Variants in MIER2 observed in about 807,000 individuals in gnomAD.
The protein encoded by MIER2 is MIER family member 2.
In MIER2, 30 loss-of-function variants were observed where a neutral mutation model predicts 67.6. The observed-to-expected ratio is 0.44, with a 90% confidence interval of 0.33 to 0.60. The LOEUF (loss-of-function observed/expected upper bound fraction) is 0.60. Ranked by LOEUF, MIER2 falls within the 20% of genes least tolerant of loss-of-function variation. MIER2 has a pLI of 0.02. For missense variants in MIER2, 702 were observed against 745.1 expected (o/e 0.94, Z 0.67); for synonymous variants, 372 against 312.6 (o/e 1.19, Z -2.00).
In MIER2 at chr19:344,795, G is replaced by T; in HGVS notation, c.-13C>A. 8.3e-7 allele frequency: 1 copy of T among 1,198,386 alleles called. No individual in the cohort carries two copies. Among genetic ancestry groups the T allele is most frequent in the Admixed American group, 4.4e-5 (1 of 22,512 alleles). 74.2% of individuals were successfully genotyped at this position (1,198,386 alleles called of 1,614,324 possible). ...TCACCTCCGCCATGGCCGTGTGTGC[G>T]CGGGAGGCGGTGGCCGCGCCGGGAT... On this transcript the variant is annotated 5_prime_UTR_variant, in exon 1 of 14. Transcript: ENST00000264819.
At chr19:332,004 G>A (rs768522933) in intron 3 of MIER2, among the ~76,000 whole-genome samples, 33 of 152,010 alleles carry the variant, frequency 2.2e-4, no homozygotes, top group Admixed American at 3.9e-4. Context: ...GACAGAAGCT[G>A]GATTTTCATA....
At chr19:325,411 T>G (rs1971694377) in intron 7 of MIER2, among the ~76,000 whole-genome samples, 1 of 152,056 alleles carries the variant, frequency 6.6e-6, no homozygotes, top group Non-Finnish European at 1.5e-5. Flanking sequence ...CTGCACAGGC[T>G]GACCAGAGCA....
chr19:329,664 G>A (rs561253153), intron 3 of MIER2, among the ~76,000 whole-genome samples: 40 of 152,156 alleles, frequency 2.6e-4, no homozygotes, highest in Admixed American at 9.2e-4. Context: ...TGAGGCAGGC[G>A]GATCACGAGA....
In MIER2 at chr19:307,493, G is replaced by A. The variant is rs200937597; in HGVS notation, c.1242C>T (p.Pro414=). The A allele has an allele frequency of 3.6e-5, 55 of 1,526,768 alleles. No homozygotes were observed. The Admixed American group carries it at 4.1e-4, about 11-fold the overall frequency. The allele number at this position is 1,526,768 out of a possible 1,614,324, so 94.6% of individuals were successfully genotyped here. A position where few individuals can be genotyped will look rare whatever the true frequency, so the allele number is the denominator to read the frequency against. Residue 414 remains proline (P), a synonymous_variant, in exon 13 of 14, where the codon CCC becomes CCT. Coordinates refer to ENST00000264819, the MANE Select transcript of MIER2 (RefSeq NM_017550.3). ...ACGGGAGTCCATCAGAGGCCACTCC[G>A]GGCTCATCGAGACCACCGGCCGTGC... The part of the protein sequence containing the change: ...VDGTAGGLDE[P]GVASDGLPSS...
intron 7 of MIER2, among the ~76,000 whole-genome samples, chr19:317,714 G>C (rs1056876356): frequency 7.3e-6 from 1 of 137,688 alleles, no homozygotes; most frequent in African/African-American, 2.7e-5. Context: ...TGGGCAATGA[G>C]AGTGAGACTC....
chr19:307,238 TG>T lies in MIER2; in HGVS notation c.1496del (p.Pro499GlnfsTer19). ...CGGTGACCGACAAAGCCACCTGTGC[TG>T]GGGCCACAGTCTCCTCCGGATCCCC... ...LSGDPEETVA[P>X]AQVALSVTEF... On this transcript the variant is annotated frameshift_variant, in exon 13 of 14. Coordinates refer to ENST00000264819, the MANE Select transcript of MIER2 (RefSeq NM_017550.3). LOFTEE classifies it high-confidence loss of function. 2 of 1,593,880 alleles carry T rather than the reference TG, an allele frequency of 1.3e-6. No individual in the cohort carries two copies. Among genetic ancestry groups the T allele is most frequent in the African/African-American group, 1.3e-5 (1 of 74,730 alleles).
intron 3 of MIER2, 24 bp from the exon 4 acceptor site, chr19:328,013 C>T (rs1474414827): frequency 6.2e-7 from 1 of 1,611,876 alleles, no homozygotes; most frequent in Non-Finnish European, 8.5e-7. Context: ...GGGAACAAGG[C>T]CCCATCAGGA....
chr19:308,566 C>T lies in MIER2; in HGVS notation c.1198+11G>A. ...CCGCCCCCAGGGCAGGAGATACTCC[C>T]CAAGCCTCACCTGTGCGCATCCCAG... On this transcript the variant is annotated intron_variant, in intron 12 of 13. Coordinates refer to ENST00000264819, the MANE Select transcript of MIER2 (RefSeq NM_017550.3). The surrounding 1 kb of genome is among the most constrained non-coding windows in gnomAD (Gnocchi z 9.1). 6.3e-7 allele frequency: 1 copy of T among 1,591,478 alleles called. No homozygotes were observed.
intron 1 of MIER2, among the ~76,000 whole-genome samples, chr19:338,506 C>G (rs1972364688): frequency 1.3e-5 from 2 of 152,270 alleles, no homozygotes; most frequent in South Asian, 2.1e-4. Context: ...CAACACCCCC[C>G]ACTGATTGAC....
intron 8 of MIER2, 75 bp from the exon 9 acceptor site, chr19:312,347 G>C: frequency 6.8e-7 from 1 of 1,476,416 alleles, no homozygotes; most frequent in Non-Finnish European, 9.4e-7. Flanking sequence ...ATACCATCCA[G>C]CGAGTGGCAT....
At chr19:328,723 G>A (rs1483997310) in intron 3 of MIER2, among the ~76,000 whole-genome samples, 1 of 152,120 alleles carries the variant, frequency 6.6e-6, no homozygotes, top group East Asian at 1.9e-4. Flanking sequence ...ACTCCAGCCT[G>A]GGTGGCAGAG....
intron 7 of MIER2, among the ~76,000 whole-genome samples, chr19:317,118 G>C (rs1176956291): frequency 2.6e-5 from 4 of 152,198 alleles, no homozygotes; most frequent in African/African-American, 9.7e-5. Flanking sequence ...CAACAGGCCA[G>C]GTCCAGTGGC....
At chr19:311,773 G>T in intron 10 of MIER2, 72 bp downstream of exon 10, 1 of 1,457,276 alleles carries the variant, frequency 6.9e-7, no homozygotes, top group Non-Finnish European at 9.6e-7. Flanking sequence ...GCCGTGTGCT[G>T]TGTGCCTGCG....
At position 327,122 on chromosome 19, in the gene MIER2, G is replaced by A; in HGVS notation, c.493+11C>T. ...CTGGCTGCGGTGGAGTATGGGGACA[G>A]AGTCACCTACATCCACTCCGGTTAG... On this transcript the variant is annotated intron_variant, in intron 5 of 13. Coordinates refer to ENST00000264819, the MANE Select transcript of MIER2 (RefSeq NM_017550.3). The A allele has an allele frequency of 6.3e-7, 1 of 1,576,902 alleles. No individual in the cohort carries two copies. Among genetic ancestry groups the A allele is most frequent in the Non-Finnish European group, 8.6e-7 (1 of 1,169,072 alleles).
Position 308,444 on chromosome 19 carries a change from C to T in MIER2, c.1198+133G>A, listed in dbSNP as rs1299574165. ...TCCACATCACGTGGCTGCCCTCCGC[C>T]ACCCAGACGCCCACTCCTCCTGGCG... On this transcript the variant is annotated intron_variant, in intron 12 of 13. Coordinates refer to ENST00000264819, the MANE Select transcript of MIER2 (RefSeq NM_017550.3). The surrounding 1 kb of genome is among the most constrained non-coding windows in gnomAD (Gnocchi z 9.1). The T allele has an allele frequency of 6.4e-6, 6 of 940,406 alleles. No individual in the cohort carries two copies. Among genetic ancestry groups the T allele is most frequent in the Non-Finnish European group, 9.4e-6 (6 of 640,158 alleles). The allele number at this position is 940,406 out of a possible 1,614,324, so 58.3% of individuals were successfully genotyped here. A position where few individuals can be genotyped will look rare whatever the true frequency, so the allele number is the denominator to read the frequency against.
chr19:331,452 G>A (rs956563961), intron 3 of MIER2, among the ~76,000 whole-genome samples: 2 of 151,520 alleles, frequency 1.3e-5, no homozygotes, highest in Non-Finnish European at 2.9e-5. Flanking sequence ...AAAATTGCTT[G>A]AGGCCAACAG....
intron 1 of MIER2, among the ~76,000 whole-genome samples, chr19:341,924 C>G (rs1163136824): frequency 6.6e-6 from 1 of 152,152 alleles, no homozygotes; most frequent in Non-Finnish European, 1.5e-5. Flanking sequence ...CAGACCAGCC[C>G]TTCCCCCAGG....
Position 308,620 on chromosome 19 carries a change from G to T in MIER2, c.1155C>A (p.Gly385=). The T allele has an allele frequency of 6.2e-7, 1 of 1,607,324 alleles. No individual in the cohort carries two copies. The highest frequency in any genetic ancestry group is 8.5e-7 in the Non-Finnish European group (1 of 1,178,106). ...DLDGSDPDGP[G]RPRPEQDTLT... is the part of the protein sequence containing the mutation. ...GGGTGTCTTGCTCCGGGCGCGGACGGCCGGGGCCATCGGGGTCGCTGCCAT... is the reference window on the plus strand; with the variant it reads ...GGGTGTCTTGCTCCGGGCGCGGACGTCCGGGGCCATCGGGGTCGCTGCCAT... The change falls in exon 12 of 14, where the codon GGC becomes GGA. Residue 385 remains glycine (G), a synonymous_variant. Transcript: ENST00000264819. The surrounding 1 kb of genome is among the most constrained non-coding windows in gnomAD (Gnocchi z 9.1).
intron 7 of MIER2, among the ~76,000 whole-genome samples, chr19:323,092 C>A (rs1168142778): frequency 2.6e-5 from 4 of 152,044 alleles, no homozygotes. Context: ...ACGACACACA[C>A]AACCACGCAG....
Sources: gnomAD v4.1 joint callset for allele counts (sites outside exome capture counted in the v4.1 genomes callset) on GRCh38, gnomAD v4.1.1 for gene constraint, Gnocchi (gnomAD v3.1) non-coding constraint, MANE v1.5 for transcripts, NCBI Gene and HGNC (gene_info 2026-07-23, HGNC 2026-07-21) for gene names.